Variants in ADGB observed in about 807,000 individuals in gnomAD.
ADGB encodes the protein calpain-7-like protein.
In ADGB, 172 loss-of-function variants were observed where a neutral mutation model predicts 210.5. That is an observed-to-expected ratio of 0.82 (90% CI 0.72 to 0.93). ADGB has a LOEUF of 0.93. ADGB is among the 40% of genes least tolerant of loss of function. ADGB has a pLI of 0.00. For synonymous variants in ADGB, 658 were observed against 662.7 expected, an observed-to-expected ratio of 0.99 and a Z score of 0.11; for missense variants, 2,025 against 1,964.8, an observed-to-expected ratio of 1.03 and a Z score of -0.58.
chr6:146,676,541 TAA>T (rs1776087151), intron 9 of ADGB, 100 bp downstream of exon 9: 1 of 1,096,424 alleles, frequency 9.1e-7, no homozygotes, highest in Non-Finnish European at 1.2e-6. Context: ...TTGAAATAAC[TAA>T]ATAAACTTAG....
At chr6:146,637,789 A>T (rs1775446351) in intron 2 of ADGB, among the ~76,000 whole-genome samples, 1 of 152,058 alleles carries the variant, frequency 6.6e-6, no homozygotes, top group Non-Finnish European at 1.5e-5. Flanking sequence ...ATTATTAAGC[A>T]TGTGAATCCT....
intron 1 of ADGB, among the ~76,000 whole-genome samples, chr6:146,601,386 C>G (rs1780554994): frequency 1.3e-5 from 2 of 152,074 alleles, no homozygotes; most frequent in Admixed American, 1.3e-4. Flanking sequence ...CATCAAACAC[C>G]AAATCATTAG....
intron 1 of ADGB, among the ~76,000 whole-genome samples, chr6:146,606,182 T>TG (rs1181672090): frequency 3.9e-5 from 6 of 152,134 alleles, no homozygotes; most frequent in African/African-American, 1.4e-4. Flanking sequence ...TTAGTGATGT[T>TG]AAATATTTTT....
Position 146,701,126 on chromosome 6 carries a change from C to T in ADGB, c.1707+56C>T, listed in dbSNP as rs1052162470. On this transcript the variant is annotated intron_variant, in intron 13 of 35. Transcript: ENST00000397944. ...CTCTTAATGAGACAAGATTTTTTTC[C>T]TTACATTGTGAAACATACTATACAT... 64 of 1,530,844 alleles carry T rather than the reference C, an allele frequency of 4.2e-5. No homozygotes were observed. In the Admixed American group the frequency reaches 8.9e-4, roughly 21 times the overall value. 94.8% of individuals were successfully genotyped at this position (1,530,844 alleles called of 1,614,324 possible). A position where few individuals can be genotyped will look rare whatever the true frequency, so the allele number is the denominator to read the frequency against.
chr6:146,733,600 A>G (rs1583612753), intron 21 of ADGB, among the ~76,000 whole-genome samples: 2 of 152,308 alleles, frequency 1.3e-5, no homozygotes, highest in East Asian at 1.9e-4. Context: ...TCTTCTTCCC[A>G]TGCTCTGCTC....
chr6:146,664,455 CT>C, intron 6 of ADGB, 115 bp downstream of exon 6: 1 of 1,121,784 alleles, frequency 8.9e-7, no homozygotes, highest in East Asian at 2.7e-5. Flanking sequence ...GCTTTTTCCC[CT>C]AAACAATGTA....
chr6:146,801,274 T>C lies in ADGB; in HGVS notation c.4629T>C (p.Tyr1543=). 2.7e-6 allele frequency: 4 copies of C among 1,482,408 alleles called. No homozygotes were observed. The highest frequency in any genetic ancestry group is 3.6e-6 in the Non-Finnish European group (4 of 1,112,618). The allele number at this position is 1,482,408 out of a possible 1,614,324, so 91.8% of individuals were successfully genotyped here. The change falls in exon 34 of 36, where the codon TAT becomes TAC. Residue 1543 remains tyrosine (Y), a synonymous_variant. Transcript: ENST00000397944. Reference sequence around the variant, plus strand: ...TAGAATTTATGGATTTAAGTCAATATGTTCGGTAAGTTTTCATAAACATGA... The same window carrying C: ...TAGAATTTATGGATTTAAGTCAATACGTTCGGTAAGTTTTCATAAACATGA... The part of the protein sequence containing the change: ...KALEFMDLSQ[Y]VRKTDTDPLL...
chr6:146,768,522 A>T (rs2114630490), intron 28 of ADGB, among the ~76,000 whole-genome samples: 1 of 152,254 alleles, frequency 6.6e-6, no homozygotes, highest in East Asian at 1.9e-4. Flanking sequence ...GGAAAATTAC[A>T]TCTCCATGGA....
At chr6:146,699,674 C>T (rs1242085541) in intron 12 of ADGB, among the ~76,000 whole-genome samples, 1 of 149,366 alleles carries the variant, frequency 6.7e-6, no homozygotes, top group Non-Finnish European at 1.5e-5. Context: ...CCACCACACT[C>T]TCTAAGATGA....
rs1291114564 is a variant in ADGB at position 146,599,069 on chromosome 6, A to T, written c.29A>T (p.Glu10Val). Reference protein sequence around the residue: MASKQTKKKEVHRINSAHGS... With the variant: MASKQTKKKVVHRINSAHGS... ...GCCTCCAAACAAACCAAAAAGAAAG[A>T]GGTGCATCGTATCAACTCGGCGCAC... The change falls in exon 1 of 36, where the codon GAG (glutamate) becomes GTG (valine). Residue 10 changes from glutamate (E) to valine (V), a missense_variant. Glu to Val is a moderately radical substitution (Grantham distance 121). Transcript: ENST00000397944. The T allele has an allele frequency of 6.4e-7, 1 of 1,551,596 alleles. No individual in the cohort carries two copies.
intron 1 of ADGB, among the ~76,000 whole-genome samples, chr6:146,628,273 G>T (rs1487825005): frequency 6.6e-6 from 1 of 151,340 alleles, no homozygotes; most frequent in Non-Finnish European, 1.5e-5. Context: ...CTCCATATAA[G>T]AATTTTCCTC....
rs139101184 is a variant in ADGB, at chr6:146,661,859, T to C, written c.613-2342T>C. 1.3e-3 allele frequency among the ~76,000 whole-genome samples: 191 copies of C among 152,262 alleles called. 1 individual carries two copies. Among genetic ancestry groups the C allele is most frequent in the African/African-American group, 4.5e-3 (189 of 41,560 alleles). On this transcript the variant is annotated intron_variant, in intron 5 of 35. Coordinates refer to ENST00000397944, the MANE Select transcript of ADGB (RefSeq NM_024694.4). Reference sequence around the variant, plus strand: ...TTATTTTACTCTTATTCCTAAAGAATATTTTCCCTAGTGATATGATTCTGG... The same window carrying C: ...TTATTTTACTCTTATTCCTAAAGAACATTTTCCCTAGTGATATGATTCTGG...
At chr6:146,763,550 C>A (rs1258676614) in intron 27 of ADGB, among the ~76,000 whole-genome samples, 4 of 140,862 alleles carry the variant, frequency 2.8e-5, no homozygotes, top group Non-Finnish European at 6.6e-5. Context: ...AAGAGAAAGT[C>A]TTTTATAAGT....
intron 35 of ADGB, among the ~76,000 whole-genome samples, chr6:146,810,189 C>A (rs1778284045): frequency 6.6e-6 from 1 of 152,096 alleles, no homozygotes; most frequent in Non-Finnish European, 1.5e-5. Context: ...CAGGAATGAC[C>A]AACAGGTATA....
At chr6:146,735,505 T>C (rs1284438965) in intron 22 of ADGB, among the ~76,000 whole-genome samples, 2 of 152,238 alleles carry the variant, frequency 1.3e-5, no homozygotes, top group East Asian at 3.8e-4. Flanking sequence ...CATTAATTCA[T>C]TCATAAGGGC....
chr6:146,779,863 TA>T (rs71552960), intron 29 of ADGB, among the ~76,000 whole-genome samples: 30 of 146,452 alleles, frequency 2.0e-4, no homozygotes, highest in South Asian at 8.6e-4. Context: ...CTTCCAGCTA[TA>T]AAAAAAAAAA....
chr6:146,705,179 A>G (rs1288167879), intron 13 of ADGB, among the ~76,000 whole-genome samples: 2 of 152,128 alleles, frequency 1.3e-5, no homozygotes, highest in African/African-American at 4.8e-5. Context: ...TAGATCTAAC[A>G]GGATTTTTAA....
rs775573516 is a variant in ADGB at position 146,801,913 on chromosome 6, C to G, written c.4720C>G (p.Arg1574Gly). Reference protein sequence around the residue: ...MQKAEEIHQFRQHRTRVLSIR... With the variant: ...MQKAEEIHQFGQHRTRVLSIR... ...AAAGGCGGAAGAAATTCATCAGTTT[C>G]GACAGCATAGGACCAGAGTCCTTAG... Residue 1574 changes from arginine to glycine, a missense_variant, in exon 35 of 36, where the codon CGA (arginine) becomes GGA (glycine). Coordinates refer to ENST00000397944, the MANE Select transcript of ADGB (RefSeq NM_024694.4). 6.4e-7 allele frequency: 1 copy of G among 1,551,014 alleles called. No individual in the cohort carries two copies. The highest frequency in any genetic ancestry group is 1.4e-5 in the African/African-American group (1 of 72,972).
intron 1 of ADGB, among the ~76,000 whole-genome samples, chr6:146,625,603 A>G (rs1780960639): frequency 6.6e-6 from 1 of 152,026 alleles, no homozygotes; most frequent in Admixed American, 6.6e-5. Flanking sequence ...CTGAGTTCAC[A>G]TGCAATATGG....
Sources: gnomAD v4.1 joint callset for allele counts (sites outside exome capture counted in the v4.1 genomes callset) on GRCh38, gnomAD v4.1.1 for gene constraint, MANE v1.5 for transcripts, NCBI Gene and HGNC (gene_info 2026-07-23, HGNC 2026-07-21) for gene names.